Variants in TMEM135 observed in about 807,000 individuals in gnomAD.
TMEM135 encodes peroxisomal membrane protein 52.
Under a neutral mutation model 60.3 loss-of-function variants are expected in TMEM135, and 30 were observed. That is an observed-to-expected ratio of 0.50 (90% CI 0.37 to 0.68). The LOEUF (loss-of-function observed/expected upper bound fraction) is 0.68. TMEM135 is among the 30% of genes least tolerant of loss of function. The pLI, the probability that TMEM135 is intolerant of heterozygous loss-of-function variation, is 0.00. For missense variants in TMEM135, 468 were observed against 548.8 expected (o/e 0.85, Z 1.47); for synonymous variants, 190 against 186.7 (o/e 1.02, Z -0.14).
At chr11:87,183,135 A>ATTT (rs772123636) in intron 5 of TMEM135, among the ~76,000 whole-genome samples, 111 of 92,614 alleles carry the variant, frequency 1.2e-3, no homozygotes, top group East Asian at 1.9e-3. Flanking sequence ...GTAATCACTA[A>ATTT]TTTTTTTTTT....
chr11:87,071,044 G>A (rs1856765364), intron 2 of TMEM135, among the ~76,000 whole-genome samples: 1 of 152,210 alleles, frequency 6.6e-6, no homozygotes, highest in Non-Finnish European at 1.5e-5. Context: ...TGAGAAGCCA[G>A]AGGGTTTGCA....
chr11:87,142,573 T>C (rs578533), intron 4 of TMEM135, among the ~76,000 whole-genome samples: 72,276 of 151,990 alleles, frequency 0.48, 17,479 homozygotes, highest in East Asian at 0.67. Context: ...TATAAAGTGT[T>C]TGCTTTTAAG....
Position 87,216,131 on chromosome 11 carries a change from A to G in TMEM135, c.463-20507A>G, listed in dbSNP as rs545742367. On this transcript the variant is annotated intron_variant, in intron 5 of 14. Coordinates refer to ENST00000305494, the MANE Select transcript of TMEM135 (RefSeq NM_022918.4). Reference sequence around the variant, plus strand: ...GTATGTATAGGAAGAAACATAGTGTATATAGGGTTTGGCATTATAAGTAGT... The same window carrying G: ...GTATGTATAGGAAGAAACATAGTGTGTATAGGGTTTGGCATTATAAGTAGT... Among the ~76,000 whole-genome samples, 372 of 152,352 alleles carry G rather than the reference A, an allele frequency of 2.4e-3. 6 individuals are homozygous for G. Among genetic ancestry groups the G allele is most frequent in the African/African-American group, 7.1e-3 (295 of 41,582 alleles).
At chr11:87,104,842 T>C (rs1443162968) in intron 4 of TMEM135, among the ~76,000 whole-genome samples, 2 of 152,212 alleles carry the variant, frequency 1.3e-5, no homozygotes, top group Non-Finnish European at 2.9e-5. Context: ...GTTTTTAGTG[T>C]ATAAGATCAT....
intron 1 of TMEM135, among the ~76,000 whole-genome samples, chr11:87,054,756 A>T (rs752870275): frequency 4.6e-5 from 7 of 152,090 alleles, no homozygotes; most frequent in African/African-American, 7.2e-5. Context: ...TTCTGATTAG[A>T]TTCGATTTTT....
chr11:87,291,859 A>T (rs1009129283), intron 6 of TMEM135, among the ~76,000 whole-genome samples: 5 of 152,030 alleles, frequency 3.3e-5, no homozygotes, highest in Admixed American at 1.3e-4. Flanking sequence ...GATTCTTTTA[A>T]AATTTAAGAC....
chr11:87,214,846 A>T (rs1306803563), intron 5 of TMEM135, among the ~76,000 whole-genome samples: 1 of 152,136 alleles, frequency 6.6e-6, no homozygotes, highest in Non-Finnish European at 1.5e-5. Flanking sequence ...CAGCCAAAGT[A>T]TGCATATTAT....
rs377132409 is a variant in TMEM135 at position 87,056,280 on chromosome 11, C to A, written c.142-11414C>A. Among the ~76,000 whole-genome samples, 7 of 152,248 alleles carry A rather than the reference C, an allele frequency of 4.6e-5. No homozygotes were observed. The South Asian group carries it at 1.5e-3, about 32-fold the overall frequency. ...AGGAATGCCTAATTTTCTGAGAATG[C>A]AGCCCAGCAGGTCTCAGCCTCATTT... On this transcript the variant is annotated intron_variant, in intron 1 of 14. Coordinates refer to ENST00000305494, the MANE Select transcript of TMEM135 (RefSeq NM_022918.4).
intron 4 of TMEM135, among the ~76,000 whole-genome samples, chr11:87,122,382 C>T (rs975529422): frequency 1.0e-4 from 14 of 133,854 alleles, no homozygotes; most frequent in Non-Finnish European, 2.0e-4. Context: ...TTAAATTTGT[C>T]ATCATAAAAT....
intron 5 of TMEM135, among the ~76,000 whole-genome samples, chr11:87,212,745 C>A (rs1410231435): frequency 6.6e-6 from 1 of 151,152 alleles, no homozygotes; most frequent in Non-Finnish European, 1.5e-5. Flanking sequence ...ATCTCTTGAG[C>A]CTGAGAAGCG....
intron 6 of TMEM135, among the ~76,000 whole-genome samples, chr11:87,282,294 T>C (rs978091653): frequency 2.6e-5 from 4 of 152,052 alleles, no homozygotes; most frequent in African/African-American, 9.7e-5. Context: ...GTTGGAGTTT[T>C]GCTCTTGTTG....
chr11:87,243,001 C>T (rs1483195781), intron 6 of TMEM135, among the ~76,000 whole-genome samples: 2 of 137,324 alleles, frequency 1.5e-5, no homozygotes, highest in Admixed American at 7.3e-5. Context: ...ACGTTTAAGT[C>T]TTTAATCCAT....
chr11:87,300,485 T>A (rs1244349850), intron 7 of TMEM135, among the ~76,000 whole-genome samples: 1 of 152,184 alleles, frequency 6.6e-6, no homozygotes, highest in African/African-American at 2.4e-5. Context: ...ACTGATAATT[T>A]ATTGGTTGTG....
At chr11:87,147,867 C>T (rs1938458067) in intron 4 of TMEM135, among the ~76,000 whole-genome samples, 1 of 152,198 alleles carries the variant, frequency 6.6e-6, no homozygotes, top group Non-Finnish European at 1.5e-5. Flanking sequence ...AAGTGATTCT[C>T]CTGCCTCAGC....
At chr11:87,139,555 G>A (rs1938206048) in intron 4 of TMEM135, among the ~76,000 whole-genome samples, 2 of 151,934 alleles carry the variant, frequency 1.3e-5, no homozygotes, top group Admixed American at 6.6e-5. Flanking sequence ...ATTTATCTTG[G>A]GTAGATACCT....
rs1032059907 is a variant in TMEM135, at chr11:87,300,610, C to T, written c.552-1686C>T. On this transcript the variant is annotated intron_variant, in intron 7 of 14. Coordinates refer to ENST00000305494, the MANE Select transcript of TMEM135 (RefSeq NM_022918.4). Reference sequence around the variant, plus strand: ...AAGGCTCAGTTGGCACTGTGCCTGTCGTATAAGATATGCTCAGAAAATTCT... The same window carrying T: ...AAGGCTCAGTTGGCACTGTGCCTGTTGTATAAGATATGCTCAGAAAATTCT... Among the ~76,000 whole-genome samples the T allele has an allele frequency of 2.6e-5, 4 of 152,290 alleles. 1 individual carries two copies. The South Asian group carries it at 6.2e-4, about 24-fold the overall frequency.
chr11:87,309,530 G>T lies in TMEM135; in HGVS notation c.794G>T (p.Gly265Val), dbSNP rs1420955585. 6.2e-7 allele frequency: 1 copy of T among 1,613,582 alleles called. No individual in the cohort carries two copies. Among genetic ancestry groups the T allele is most frequent in the Admixed American group, 1.7e-5 (1 of 59,972 alleles). ...GGTTTCATCAGAATGTTTAGCGTGG[G>T]GTACTTGATCCAGTGCTGCCTCCGA... is the stretch of plus-strand genomic sequence containing the variant. ...IKGFIRMFSV[G>V]YLIQCCLRIP... The change falls in exon 10 of 15, where the codon GGG becomes GTG. Residue 265 changes from glycine to valine, a missense_variant. Physicochemically the swap from Gly to Val is moderately radical, Grantham distance 109. Coordinates refer to ENST00000305494, the MANE Select transcript of TMEM135 (RefSeq NM_022918.4).
intron 4 of TMEM135, among the ~76,000 whole-genome samples, chr11:87,103,494 G>GT (rs1565442234): frequency 3.9e-4 from 14 of 35,560 alleles, no homozygotes; most frequent in African/African-American, 7.4e-4. Flanking sequence ...TTTTTTTTTT[G>GT]TTTGTTTTTT....
intron 5 of TMEM135, among the ~76,000 whole-genome samples, chr11:87,204,390 T>G (rs1940189446): frequency 6.6e-6 from 1 of 152,148 alleles, no homozygotes; most frequent in Non-Finnish European, 1.5e-5. Flanking sequence ...TTTTGTCCCA[T>G]TCAAGCAGTT....
Sources: allele counts gnomAD v4.1 joint callset (sites outside exome capture counted in the v4.1 genomes callset), GRCh38; gene constraint gnomAD v4.1.1; transcripts MANE v1.5; gene names NCBI Gene and HGNC (gene_info 2026-07-23, HGNC 2026-07-21).